The following STK3 variants were observed in gnomAD, a reference collection of about 807,000 sequenced individuals.
STK3 encodes the protein serine/threonine kinase 3.
STK3 carries 41 observed loss-of-function variants against 58.0 expected under a neutral mutation model. That is an observed-to-expected ratio of 0.71 (90% confidence interval 0.55 to 0.92). The LOEUF (loss-of-function observed/expected upper bound fraction) is 0.92, where lower values mean the gene tolerates loss of function less well. STK3 is among the 40% of genes least tolerant of loss of function. The pLI, the probability that STK3 is intolerant of heterozygous loss-of-function variation, is 0.00. For missense variants in STK3, 479 were observed against 602.7 expected, an observed-to-expected ratio of 0.79 and a Z score of 2.15; for synonymous variants, 170 against 191.0, an observed-to-expected ratio of 0.89 and a Z score of 0.91.
intron 4 of STK3, among the ~76,000 whole-genome samples, chr8:98,728,211 AC>A (rs1005706336): frequency 6.6e-6 from 1 of 151,814 alleles, no homozygotes; most frequent in Non-Finnish European, 1.5e-5. Context: ...ATTTCATTCC[AC>A]CCCCCTAAAG....
At chr8:98,545,261 T>A (rs750539745) in intron 9 of STK3, among the ~76,000 whole-genome samples, 5 of 152,184 alleles carry the variant, frequency 3.3e-5, no homozygotes, top group Non-Finnish European at 7.3e-5. Context: ...GAAGTAGAGA[T>A]CCACATGTAA....
chr8:98,396,386 TG>T (rs1174376753), intron 3 of STK3, among the ~76,000 whole-genome samples: 1 of 152,128 alleles, frequency 6.6e-6, no homozygotes, highest in East Asian at 1.9e-4. Context: ...TACTGGGAGA[TG>T]GGGTGAGAGT....
intron 2 of STK3, among the ~76,000 whole-genome samples, chr8:98,774,355 A>G (rs1587582526): frequency 6.6e-6 from 1 of 152,296 alleles, no homozygotes; most frequent in South Asian, 2.1e-4. Context: ...ATCAAGACAA[A>G]GACTACTTAC....
At chr8:98,545,602 A>AAAGAGT (rs1810638147) in intron 9 of STK3, among the ~76,000 whole-genome samples, 1 of 152,178 alleles carries the variant, frequency 6.6e-6, no homozygotes, top group South Asian at 2.1e-4. Flanking sequence ...TAAAGGTATA[A>AAAGAGT]AAGAGTAAGT....
At chr8:98,375,168 T>C (rs1817659930) in intron 2 of STK3, among the ~76,000 whole-genome samples, 3 of 151,426 alleles carry the variant, frequency 2.0e-5, no homozygotes, top group Admixed American at 6.6e-5. Flanking sequence ...GATGGGAGGA[T>C]TGCCTGAGCC....
At chr8:98,799,765 A>G (rs1374393876) in intron 1 of STK3, among the ~76,000 whole-genome samples, 1 of 152,212 alleles carries the variant, frequency 6.6e-6, no homozygotes, top group African/African-American at 2.4e-5. Flanking sequence ...CGGAAGAGCC[A>G]GTTTATCTAC....
chr8:98,392,902 G>T (rs1024335586), upstream of STK3, among the ~76,000 whole-genome samples: 2 of 152,150 alleles, frequency 1.3e-5, no homozygotes, highest in African/African-American at 4.8e-5. Flanking sequence ...CTGTTATTCA[G>T]CTGTATCCTG....
At chr8:98,867,143 G>A (rs139114967) in intron 3 of STK3, among the ~76,000 whole-genome samples, 92 of 152,282 alleles carry the variant, frequency 6.0e-4, no homozygotes, top group African/African-American at 2.1e-3. Context: ...CTGGCCTGGC[G>A]CAGTGGTTCA....
chr8:98,717,597 G>A (rs1002490355), intron 4 of STK3, among the ~76,000 whole-genome samples: 6 of 152,190 alleles, frequency 3.9e-5, no homozygotes, highest in Non-Finnish European at 8.8e-5. Context: ...AGCCTCTGTG[G>A]AAAATAGTAT....
chr8:98,700,971 C>G (rs1283999100), intron 6 of STK3, among the ~76,000 whole-genome samples: 1 of 152,146 alleles, frequency 6.6e-6, no homozygotes, highest in Non-Finnish European at 1.5e-5. Context: ...CCACTGCACT[C>G]CAGCCTGGGT....
intron 3 of STK3, among the ~76,000 whole-genome samples, chr8:98,751,816 T>C (rs1014415611): frequency 3.1e-4 from 47 of 152,166 alleles, no homozygotes; most frequent in Non-Finnish European, 5.1e-4. Context: ...GGCGCATGCC[T>C]GTAATCCCAG....
chr8:98,472,523 A>G (rs554041776), intron 10 of STK3, among the ~76,000 whole-genome samples: 28 of 152,328 alleles, frequency 1.8e-4, no homozygotes, highest in African/African-American at 6.5e-4. Context: ...CATACATTGT[A>G]TCACATGAAC....
At chr8:98,530,802 A>G (rs1438263925) in intron 9 of STK3, among the ~76,000 whole-genome samples, 1 of 152,204 alleles carries the variant, frequency 6.6e-6, no homozygotes, top group Non-Finnish European at 1.5e-5. Context: ...TTTATGGAAA[A>G]TTCTAAGTCC....
chr8:98,360,544 G>T, the STK3 span, among the ~76,000 whole-genome samples: 3 of 148,318 alleles, frequency 2.0e-5, no homozygotes, highest in African/African-American at 7.5e-5. Context: ...ATTTCCCCAA[G>T]CCCCCAACAA....
At chr8:98,739,406 G>C (rs1412556981) in intron 4 of STK3, among the ~76,000 whole-genome samples, 1 of 151,632 alleles carries the variant, frequency 6.6e-6, no homozygotes, top group African/African-American at 2.4e-5. Context: ...ACTTCCAGAG[G>C]AACGATCAGA....
Position 98,767,607 on chromosome 8 carries a change from T to C in STK3, c.108-236A>G, listed in dbSNP as rs114016545. ...AACATATAATGAGTAGCTATTTTTC[T>C]TATGAATGAAAGAAACAGACTTGCG... On this transcript the variant is annotated intron_variant, in intron 2 of 10. Transcript: ENST00000419617. 4.4e-3 allele frequency among the ~76,000 whole-genome samples: 664 copies of C among 152,344 alleles called. 4 individuals carry two copies. Among genetic ancestry groups the C allele is most frequent in the African/African-American group, 0.014 (582 of 41,590 alleles).
upstream of STK3, among the ~76,000 whole-genome samples, chr8:98,827,282 C>T (rs769852441): frequency 3.3e-5 from 5 of 152,142 alleles, no homozygotes; most frequent in South Asian, 2.1e-4. Context: ...TGCAGTGATC[C>T]GAGATCGCGC....
chr8:98,632,046 T>A (rs1017847954), intron 6 of STK3, among the ~76,000 whole-genome samples: 1 of 152,206 alleles, frequency 6.6e-6, no homozygotes, highest in Admixed American at 6.5e-5. Context: ...CTGTTATGTA[T>A]GAGTGCCTAA....
chr8:98,518,567 T>C (rs189662804), intron 10 of STK3, among the ~76,000 whole-genome samples: 39 of 152,298 alleles, frequency 2.6e-4, no homozygotes, highest in Admixed American at 2.2e-3. Context: ...TACTTGTACA[T>C]AAACACTTTT....
Sources: allele counts gnomAD v4.1 joint callset (sites outside exome capture counted in the v4.1 genomes callset), GRCh38; gene constraint gnomAD v4.1.1; transcripts MANE v1.5; gene names NCBI Gene and HGNC (gene_info 2026-07-23, HGNC 2026-07-21).